PPP2R2B: variants seen among roughly 807,000 people sequenced by gnomAD.
PPP2R2B encodes serine/threonine-protein phosphatase 2A 55 kDa regulatory subunit B beta isoform.
Under a neutral mutation model 46.0 loss-of-function variants are expected in PPP2R2B, and 5 were observed. The ratio of observed to expected loss-of-function variants is 0.11; its 90% CI spans 0.06 to 0.23. The LOEUF is 0.23. Ranked by LOEUF, PPP2R2B falls within the 10% of genes least tolerant of loss-of-function variation. The probability of loss-of-function intolerance (pLI) is 1.00; values close to 1 mark genes in which losing one functional copy is unlikely to be tolerated. For missense variants in PPP2R2B, 367 were observed against 575.0 expected (o/e 0.64, Z 3.70); for synonymous variants, 215 against 206.7 (o/e 1.04, Z -0.34).
chr5:147,012,511 G>A (rs1413421936), intron 1 of PPP2R2B, among the ~76,000 whole-genome samples: 1 of 151,848 alleles, frequency 6.6e-6, no homozygotes, highest in Non-Finnish European at 1.5e-5. Context: ...CAATTTTGTT[G>A]ATCCTTTCAA....
At position 147,036,761 on chromosome 5, in the gene PPP2R2B, C is replaced by T. The variant is rs776984872; in HGVS notation, c.79+18904G>A. Among the ~76,000 whole-genome samples the T allele has an allele frequency of 1.1e-4, 16 of 152,244 alleles. No homozygotes were observed. The East Asian group carries it at 1.7e-3, about 17-fold the overall frequency. The stretch of plus-strand genomic sequence containing the variant: ...GTTTTGATTAAATGCAATTATTTTA[C>T]GCATTTGGAGGATTAACCCTGCCCT... On this transcript the variant is annotated intron_variant, in intron 1 of 8. Coordinates refer to the PPP2R2B transcript ENST00000336640.
intron 1 of PPP2R2B, among the ~76,000 whole-genome samples, chr5:146,904,461 G>A (rs1463124809): frequency 6.6e-6 from 1 of 152,170 alleles, no homozygotes; most frequent in African/African-American, 2.4e-5. Flanking sequence ...CCTGGGGTAG[G>A]AGGTAACTAA....
intron 2 of PPP2R2B, among the ~76,000 whole-genome samples, chr5:146,855,056 G>A (rs1582276602): frequency 1.3e-5 from 2 of 152,102 alleles, no homozygotes; most frequent in East Asian, 1.9e-4. Context: ...TCCACTCAAA[G>A]CTATTCAGTT....
intron 1 of PPP2R2B, among the ~76,000 whole-genome samples, chr5:147,045,635 G>A (rs966263424): frequency 6.6e-5 from 10 of 152,062 alleles, no homozygotes; most frequent in African/African-American, 2.2e-4. Flanking sequence ...TTTTCATGCC[G>A]CAAATATGAT....
Position 146,878,664 on chromosome 5 carries a change from C to A in PPP2R2B, c.-198G>T. The A allele has an allele frequency of 7.8e-7, 1 of 1,275,466 alleles. No homozygotes were observed. Among genetic ancestry groups the A allele is most frequent in the Non-Finnish European group, 1.0e-6 (1 of 981,218 alleles). 79.0% of individuals were successfully genotyped at this position (1,275,466 alleles called of 1,614,324 possible). The stretch of plus-strand genomic sequence containing the variant: ...CGGGGGTAGGGAAGCTGGCGGGGAG[C>A]TGGGCAGGGCGCTGCAGCCGGCGCC... On this transcript the variant is annotated 5_prime_UTR_variant, in exon 1 of 10. Transcript: ENST00000394411. The surrounding 1 kb of genome is among the most constrained non-coding windows in gnomAD (Gnocchi z 4.5).
chr5:146,592,019 G>A, intron 9 of PPP2R2B: 2 of 351,954 alleles, frequency 5.7e-6, no homozygotes, highest in South Asian at 4.7e-5. Flanking sequence ...TAACAGATAT[G>A]TAAATAATAA....
At chr5:146,916,396 A>G (rs1189394392) in intron 1 of PPP2R2B, among the ~76,000 whole-genome samples, 4 of 151,484 alleles carry the variant, frequency 2.6e-5, no homozygotes, top group Non-Finnish European at 5.9e-5. Flanking sequence ...AATGCTGGGC[A>G]GAGAGTGACA....
intron 2 of PPP2R2B, among the ~76,000 whole-genome samples, chr5:146,760,916 CTCA>C (rs1197874045): frequency 6.6e-6 from 1 of 152,146 alleles, no homozygotes; most frequent in Non-Finnish European, 1.5e-5. Flanking sequence ...TGAAAAAATG[CTCA>C]TCATCACTGG....
At chr5:147,036,617 T>G (rs1328541718) in intron 1 of PPP2R2B, among the ~76,000 whole-genome samples, 1 of 152,204 alleles carries the variant, frequency 6.6e-6, no homozygotes, top group Non-Finnish European at 1.5e-5. Context: ...GTTGAACTAG[T>G]TTACCTTCCC....
intron 2 of PPP2R2B, among the ~76,000 whole-genome samples, chr5:146,814,260 T>C (rs1757801494): frequency 6.6e-6 from 1 of 151,684 alleles, no homozygotes; most frequent in Admixed American, 6.6e-5. Flanking sequence ...ACAATGTTAG[T>C]TTTCTAATTT....
chr5:146,894,956 C>T (rs1762601290), intron 1 of PPP2R2B, among the ~76,000 whole-genome samples: 1 of 152,070 alleles, frequency 6.6e-6, no homozygotes, highest in Non-Finnish European at 1.5e-5. Context: ...ATGGTGCCGG[C>T]CCTAGAACTG....
At chr5:146,989,862 T>TA (rs1580762842) in intron 1 of PPP2R2B, among the ~76,000 whole-genome samples, 1 of 151,868 alleles carries the variant, frequency 6.6e-6, no homozygotes, top group South Asian at 2.1e-4. Flanking sequence ...AAGACTCCAC[T>TA]AAAAAACTAT....
chr5:146,980,936 T>A (rs1193934093), intron 1 of PPP2R2B, among the ~76,000 whole-genome samples: 1 of 152,020 alleles, frequency 6.6e-6, no homozygotes, highest in Non-Finnish European at 1.5e-5. Flanking sequence ...CTTTAAACAT[T>A]TTTTTTAACC....
intron 2 of PPP2R2B, among the ~76,000 whole-genome samples, chr5:146,766,096 A>G (rs974311951): frequency 1.3e-5 from 2 of 152,228 alleles, no homozygotes; most frequent in African/African-American, 4.8e-5. Context: ...AGCCAATGGC[A>G]TCTCTTGAAA....
chr5:146,890,277 G>A (rs1762455207), intron 1 of PPP2R2B, among the ~76,000 whole-genome samples: 1 of 152,204 alleles, frequency 6.6e-6, no homozygotes, highest in Non-Finnish European at 1.5e-5. Context: ...TGATGGGCCA[G>A]GGAAGTGCTG....
chr5:146,937,018 T>C (rs1764166251), intron 1 of PPP2R2B, among the ~76,000 whole-genome samples: 1 of 152,176 alleles, frequency 6.6e-6, no homozygotes, highest in African/African-American at 2.4e-5. Context: ...AAGTGGTTAC[T>C]AGGCTAGGTG....
At chr5:146,907,992 C>A (rs546905008) in intron 1 of PPP2R2B, among the ~76,000 whole-genome samples, 1 of 152,042 alleles carries the variant, frequency 6.6e-6, no homozygotes, top group South Asian at 2.1e-4. Flanking sequence ...GAAAAACTGC[C>A]GAGCAGAACA....
chr5:146,960,023 G>C (rs1438598529), intron 1 of PPP2R2B, among the ~76,000 whole-genome samples: 1 of 152,186 alleles, frequency 6.6e-6, no homozygotes, highest in Non-Finnish European at 1.5e-5. Context: ...ACTTTTAGTT[G>C]ATTGCAAAAT....
At chr5:146,887,373 T>C (rs1762362313) in intron 1 of PPP2R2B, among the ~76,000 whole-genome samples, 1 of 152,122 alleles carries the variant, frequency 6.6e-6, no homozygotes, top group Admixed American at 6.5e-5. Context: ...CTTTAAGAAA[T>C]AAATTTTTAC....
Sources: gnomAD v4.1 joint callset for allele counts (sites outside exome capture counted in the v4.1 genomes callset) on GRCh38, gnomAD v4.1.1 for gene constraint, Gnocchi (gnomAD v3.1) non-coding constraint, MANE v1.5 for transcripts, NCBI Gene and HGNC (gene_info 2026-07-23, HGNC 2026-07-21) for gene names.